The following NFKB1 variants were observed in gnomAD, a reference collection of about 807,000 sequenced individuals.
The protein encoded by NFKB1 is nuclear factor NF-kappa-B p105 subunit.
NFKB1 carries 9 observed loss-of-function variants against 105.1 expected under a neutral mutation model. The ratio of observed to expected loss-of-function variants is 0.09; its 90% confidence interval spans 0.05 to 0.15. The LOEUF is 0.15. NFKB1 is among the 10% of genes least tolerant of loss of function. NFKB1 has a pLI of 1.00. For synonymous variants in NFKB1, 440 were observed against 442.2 expected, an observed-to-expected ratio of 1.00 and a Z score of 0.06; for missense variants, 830 against 1,203.7, an observed-to-expected ratio of 0.69 and a Z score of 4.59.
intron 1 of NFKB1, among the ~76,000 whole-genome samples, chr4:102,518,634 AC>A (rs1372046144): frequency 6.6e-6 from 1 of 152,196 alleles, no homozygotes; most frequent in Non-Finnish European, 1.5e-5. Context: ...GATACTGATT[AC>A]TTCTTCCAAT....
At chr4:102,513,989 C>T (rs969747816) in intron 1 of NFKB1, among the ~76,000 whole-genome samples, 14 of 151,880 alleles carry the variant, frequency 9.2e-5, no homozygotes, top group African/African-American at 2.7e-4. Flanking sequence ...CTGGCTCACA[C>T]GGTGAAACCC....
chr4:102,601,986 C>G (rs1300191651), intron 16 of NFKB1, among the ~76,000 whole-genome samples: 1 of 152,124 alleles, frequency 6.6e-6, no homozygotes, highest in Non-Finnish European at 1.5e-5. Context: ...CCTCATCCTC[C>G]TTGGAGAGAT....
At chr4:102,523,826 G>A (rs1437257936) in intron 1 of NFKB1, among the ~76,000 whole-genome samples, 6 of 152,180 alleles carry the variant, frequency 3.9e-5, no homozygotes, top group African/African-American at 1.4e-4. Context: ...GAAGTGGTAT[G>A]CAAGAGTTCT....
intron 18 of NFKB1, 64 bp downstream of exon 18, chr4:102,607,383 AAAG>A: frequency 6.4e-7 from 1 of 1,557,526 alleles, no homozygotes; most frequent in South Asian, 1.1e-5. Flanking sequence ...AAATCTTTTC[AAAG>A]AAGGAAGTCA....
chr4:102,585,546 A>G (rs1213345540), intron 11 of NFKB1, among the ~76,000 whole-genome samples: 1 of 152,204 alleles, frequency 6.6e-6, no homozygotes, highest in African/African-American at 2.4e-5. Flanking sequence ...GCCAACATGC[A>G]CTGTGAAACT....
intron 10 of NFKB1, among the ~76,000 whole-genome samples, chr4:102,584,341 C>T (rs909174432): frequency 3.9e-5 from 6 of 152,062 alleles, no homozygotes; most frequent in African/African-American, 1.4e-4. Context: ...ATCTTGGAGG[C>T]TTTTAAGGCT....
intron 11 of NFKB1, among the ~76,000 whole-genome samples, chr4:102,585,071 A>G (rs1725610261): frequency 6.6e-6 from 1 of 151,214 alleles, no homozygotes; most frequent in Non-Finnish European, 1.5e-5. Flanking sequence ...TTTACTTTTA[A>G]TAGAAATGAG....
chr4:102,591,419 CAA>C (rs59255093), intron 11 of NFKB1, among the ~76,000 whole-genome samples: 46 of 101,666 alleles, frequency 4.5e-4, no homozygotes, highest in African/African-American at 5.3e-4. Flanking sequence ...GACCCTGGCT[CAA>C]AAAAAAAAAA....
At chr4:102,512,416 A>C (rs1739841379) in intron 1 of NFKB1, among the ~76,000 whole-genome samples, 1 of 152,118 alleles carries the variant, frequency 6.6e-6, no homozygotes, top group South Asian at 2.1e-4. Flanking sequence ...TGGCGCAATC[A>C]TGGCTCACTG....
intron 11 of NFKB1, among the ~76,000 whole-genome samples, chr4:102,589,854 A>G (rs993851289): frequency 6.6e-6 from 1 of 152,204 alleles, no homozygotes; most frequent in African/African-American, 2.4e-5. Context: ...GAAAAAGAAG[A>G]GAAAGAAAAG....
At chr4:102,576,791 A>T in intron 6 of NFKB1, 85 bp from the exon 7 acceptor site, 2 of 1,402,370 alleles carry the variant, frequency 1.4e-6, no homozygotes, top group Non-Finnish European at 9.7e-7. Context: ...TTTTTTTTTA[A>T]TTTACAAGTG....
At chr4:102,540,816 C>T (rs955919553) in intron 5 of NFKB1, among the ~76,000 whole-genome samples, 1 of 151,974 alleles carries the variant, frequency 6.6e-6, no homozygotes, top group Non-Finnish European at 1.5e-5. Flanking sequence ...TCCAAATATC[C>T]CTTTTAATAG....
In NFKB1 at chr4:102,597,581, C is replaced by T. The variant is rs1726736346; in HGVS notation, c.1557C>T (p.Asp519=). The stretch of plus-strand genomic sequence containing the variant: ...AGAGGCATGCCAATGCCCTTTTCGA[C>T]TACGCGGTGACAGGAGACGTGAAGA... ...LAKRHANALF[D]YAVTGDVKML... The change falls in exon 15 of 24, where the codon GAC becomes GAT. Residue 519 remains aspartate (D), a synonymous_variant. Transcript: ENST00000226574. 6.2e-7 allele frequency: 1 copy of T among 1,613,930 alleles called. No homozygotes were observed. The highest frequency in any genetic ancestry group is 8.5e-7 in the Non-Finnish European group (1 of 1,179,902).
intron 7 of NFKB1, 47 bp from the exon 8 acceptor site, chr4:102,578,834 T>C (rs749935714): frequency 1.9e-6 from 3 of 1,572,100 alleles, no homozygotes; most frequent in East Asian, 2.3e-5. Context: ...GTCTTTTAAA[T>C]GTTCACACTT....
At chr4:102,529,791 A>T in intron 2 of NFKB1, 45 bp from the exon 3 acceptor site, 1 of 1,413,534 alleles carries the variant, frequency 7.1e-7, no homozygotes, top group South Asian at 1.3e-5. Flanking sequence ...TTCATATAAT[A>T]TAGGAAAAAT....
At chr4:102,574,067 G>C (rs1724603974) in intron 6 of NFKB1, among the ~76,000 whole-genome samples, 1 of 126,266 alleles carries the variant, frequency 7.9e-6, no homozygotes, top group South Asian at 2.7e-4. Context: ...TTCCATGCCT[G>C]TTAGTTTTTT....
At position 102,502,368 on chromosome 4, in the gene NFKB1, C is replaced by A. The variant is rs553322906; in HGVS notation, c.-8+580C>A. ...GTCTCTCTCTCTCTCCCCCCTCCCC[C>A]CCTCCGTGCGCGCGCGCGCGCGCAC... On this transcript the variant is annotated intron_variant, in intron 1 of 23. Coordinates refer to ENST00000226574, the MANE Select transcript of NFKB1 (RefSeq NM_003998.4). Among the ~76,000 whole-genome samples, 835 of 134,962 alleles carry A rather than the reference C, an allele frequency of 6.2e-3. 7 individuals are homozygous for A. The highest frequency in any genetic ancestry group is 7.4e-3 in the Non-Finnish European group (476 of 64,278). 88.5% of individuals were successfully genotyped at this position (134,962 alleles called of 152,430 possible). A position where few individuals can be genotyped will look rare whatever the true frequency, so the allele number is the denominator to read the frequency against.
intron 3 of NFKB1, 31 bp downstream of exon 3, chr4:102,529,945 T>A: frequency 6.6e-7 from 1 of 1,508,024 alleles, no homozygotes; most frequent in Non-Finnish European, 9.2e-7. Context: ...TACCCTGTTG[T>A]TCTGCTTTCA....
intron 11 of NFKB1, 140 bp downstream of exon 11, chr4:102,584,960 C>T: frequency 2.9e-6 from 2 of 682,436 alleles, no homozygotes; most frequent in Non-Finnish European, 4.7e-6. Flanking sequence ...TAGCTCACTG[C>T]AACTTCGAAC....
Sources: gnomAD v4.1 joint callset for allele counts (sites outside exome capture counted in the v4.1 genomes callset) on GRCh38, gnomAD v4.1.1 for gene constraint, MANE v1.5 for transcripts, NCBI Gene and HGNC (gene_info 2026-07-23, HGNC 2026-07-21) for gene names.